Variants in RANBP2 observed in about 807,000 individuals in gnomAD.
The protein encoded by RANBP2 is E3 SUMO-protein ligase RanBP2.
In RANBP2, 57 loss-of-function variants were observed where a neutral mutation model predicts 303.6. The ratio of observed to expected loss-of-function variants is 0.19; its 90% CI spans 0.15 to 0.23. The LOEUF is 0.23. Ranked by LOEUF, RANBP2 falls within the 10% of genes least tolerant of loss-of-function variation. RANBP2 has a pLI of 1.00. For missense variants in RANBP2, 3,138 were observed against 3,780.8 expected, an observed-to-expected ratio of 0.83 and a Z score of 4.46; for synonymous variants, 1,167 against 1,301.5, an observed-to-expected ratio of 0.90 and a Z score of 2.23.
At chr2:109,640,172 G>T in the RANBP2 span, among the ~76,000 whole-genome samples, 2 of 150,548 alleles carry the variant, frequency 1.3e-5, no homozygotes, top group Admixed American at 1.3e-4. Context: ...TATGCTTCCA[G>T]CCCAGCACAG....
At chr2:109,679,729 G>A in the RANBP2 span, among the ~76,000 whole-genome samples, 2 of 152,170 alleles carry the variant, frequency 1.3e-5, no homozygotes, top group African/African-American at 2.4e-5. Context: ...TTACAAATGG[G>A]TCCTAACTCC....
At chr2:109,167,105 C>T in the RANBP2 span, among the ~76,000 whole-genome samples, 1 of 152,192 alleles carries the variant, frequency 6.6e-6, no homozygotes, top group Non-Finnish European at 1.5e-5. Flanking sequence ...AGCAGAACTG[C>T]TTCAGGAGTA....
the RANBP2 span, among the ~76,000 whole-genome samples, chr2:109,045,942 T>C: frequency 1.1e-4 from 17 of 151,708 alleles, no homozygotes; most frequent in African/African-American, 3.9e-4. Flanking sequence ...AGCACAGTTT[T>C]AGGAAATAAA....
the RANBP2 span, among the ~76,000 whole-genome samples, chr2:109,673,883 C>A: frequency 6.6e-6 from 1 of 152,158 alleles, no homozygotes. Flanking sequence ...CAGGTTTTTT[C>A]CCCCTTCATT....
chr2:108,773,137 G>C, intron 23 of RANBP2, 91 bp downstream of exon 23: 2 of 1,393,182 alleles, frequency 1.4e-6, no homozygotes, highest in Non-Finnish European at 2.0e-6. Context: ...TTATTTTTGA[G>C]ACAGAATTTT....
At chr2:109,545,923 G>T in the RANBP2 span, 1 of 1,450,422 alleles carries the variant, frequency 6.9e-7, no homozygotes, top group Non-Finnish European at 9.2e-7. Context: ...CTCTCCAGGA[G>T]CTGACATTTA....
chr2:109,606,171 C>T, the RANBP2 span, among the ~76,000 whole-genome samples: 1 of 152,158 alleles, frequency 6.6e-6, no homozygotes, highest in African/African-American at 2.4e-5. Flanking sequence ...AATCCCAGCA[C>T]TTTGGGAGAC....
the RANBP2 span, among the ~76,000 whole-genome samples, chr2:109,701,076 G>A: frequency 1.6e-4 from 25 of 152,288 alleles, no homozygotes; most frequent in Admixed American, 1.4e-3. Flanking sequence ...TGGGCTCCAG[G>A]CTCAGCCTTG....
At chr2:109,231,117 T>G in the RANBP2 span, among the ~76,000 whole-genome samples, 1 of 152,270 alleles carries the variant, frequency 6.6e-6, no homozygotes, top group Non-Finnish European at 1.5e-5. Flanking sequence ...CTTAGGTGGC[T>G]TGCCTAGCAT....
At chr2:109,252,467 T>C in the RANBP2 span, among the ~76,000 whole-genome samples, 2 of 152,192 alleles carry the variant, frequency 1.3e-5, no homozygotes, top group Admixed American at 6.5e-5. Flanking sequence ...CAGTTTTAGC[T>C]TTATCATGGG....
the RANBP2 span, among the ~76,000 whole-genome samples, chr2:108,810,048 C>T: frequency 5.9e-5 from 9 of 152,108 alleles, no homozygotes; most frequent in East Asian, 1.9e-4. Context: ...TCAGGTGATC[C>T]GCCTGCCTCG....
At chr2:108,728,298 G>A (rs1558872976) in intron 1 of RANBP2, among the ~76,000 whole-genome samples, 1 of 152,036 alleles carries the variant, frequency 6.6e-6, no homozygotes, top group African/African-American at 2.4e-5. Context: ...TGTATGTTAT[G>A]TATTTATTAT....
At chr2:109,429,354 CTAGGCTTATT>C in the RANBP2 span, among the ~76,000 whole-genome samples, 1 of 152,132 alleles carries the variant, frequency 6.6e-6, no homozygotes, top group African/African-American at 2.4e-5. Context: ...CAAAGTGAAG[CTAGGCTTATT>C]TACATTCCAG....
At chr2:109,432,810 C>T in the RANBP2 span, 6 of 1,192,642 alleles carry the variant, frequency 5.0e-6, no homozygotes, top group African/African-American at 6.2e-5. Flanking sequence ...GTTCAGCCCC[C>T]ACTGGCGTCC....
the RANBP2 span, among the ~76,000 whole-genome samples, chr2:108,983,983 C>T: frequency 3.3e-5 from 5 of 152,204 alleles, no homozygotes; most frequent in African/African-American, 1.2e-4. Flanking sequence ...AGCAGGGCTG[C>T]AAGGGGGGCG....
At chr2:109,612,534 T>C in the RANBP2 span, among the ~76,000 whole-genome samples, 2 of 152,200 alleles carry the variant, frequency 1.3e-5, no homozygotes, top group Admixed American at 6.5e-5. Context: ...TAACGCAAAA[T>C]ACAGTTTAAT....
chr2:108,822,860 G>T, the RANBP2 span, among the ~76,000 whole-genome samples: 3 of 152,272 alleles, frequency 2.0e-5, no homozygotes, highest in East Asian at 5.8e-4. Context: ...CGACAGCCTG[G>T]CTGTGATTTG....
the RANBP2 span, chr2:109,130,111 A>G: frequency 7.6e-7 from 1 of 1,320,992 alleles, no homozygotes; most frequent in Non-Finnish European, 9.6e-7. Flanking sequence ...GCCGGCGGCA[A>G]AGGTGAGTAT....
At chr2:109,557,382 C>T in the RANBP2 span, among the ~76,000 whole-genome samples, 2 of 152,050 alleles carry the variant, frequency 1.3e-5, no homozygotes, top group African/African-American at 4.8e-5. Flanking sequence ...TATTTAATTC[C>T]CACAGCAACC....
Sources: gnomAD v4.1 joint callset for allele counts (sites outside exome capture counted in the v4.1 genomes callset) on GRCh38, gnomAD v4.1.1 for gene constraint, MANE v1.5 for transcripts, NCBI Gene and HGNC (gene_info 2026-07-23, HGNC 2026-07-21) for gene names.